Variants in IQGAP2 observed in about 807,000 individuals in gnomAD.
IQGAP2 encodes the protein IQ motif containing GTPase activating protein 2, also known as ras GTPase-activating-like protein IQGAP2.
IQGAP2 carries 173 observed loss-of-function variants against 201.3 expected under a neutral mutation model. That is an observed-to-expected ratio of 0.86 (90% CI 0.76 to 0.98). The LOEUF is 0.98. IQGAP2 is among the 50% of genes least tolerant of loss of function. The pLI is 0.00. For missense variants in IQGAP2, 1,687 were observed against 1,864.8 expected (o/e 0.90, Z 1.76); for synonymous variants, 675 against 673.9 (o/e 1.00, Z -0.03).
intron 17 of IQGAP2, 111 bp downstream of exon 17, chr5:76,641,214 C>A: frequency 2.6e-6 from 2 of 766,348 alleles, no homozygotes; most frequent in Non-Finnish European, 4.1e-6. Context: ...AATCTGACTG[C>A]ATATTTTTAC....
In IQGAP2 at chr5:76,496,567, G is replaced by A. The variant is rs79443023; in HGVS notation, c.146+34898G>A. Among the ~76,000 whole-genome samples, 263 of 152,274 alleles carry A rather than the reference G, an allele frequency of 1.7e-3. 4 individuals are homozygous for A. In the East Asian group the frequency reaches 0.043, roughly 25 times the overall value. The stretch of plus-strand genomic sequence containing the variant: ...CACAGGTTCTGTCTGTACTCAGGGA[G>A]AGGGGCCTACACGAAGGTGTGAACA... On this transcript the variant is annotated intron_variant, in intron 2 of 35. Transcript: ENST00000274364.
At chr5:76,558,133 A>G (rs1028922373) in intron 2 of IQGAP2, among the ~76,000 whole-genome samples, 4 of 152,172 alleles carry the variant, frequency 2.6e-5, no homozygotes, top group African/African-American at 7.2e-5. Flanking sequence ...CCTACTGCAC[A>G]TATATCCTAA....
At chr5:76,429,187 CT>C (rs1752191060) in intron 1 of IQGAP2, among the ~76,000 whole-genome samples, 1 of 151,858 alleles carries the variant, frequency 6.6e-6, no homozygotes, top group Admixed American at 6.6e-5. Context: ...CTTATAGATA[CT>C]TTTTGACCTT....
chr5:76,599,629 C>T (rs990674722), intron 10 of IQGAP2, among the ~76,000 whole-genome samples: 3 of 152,018 alleles, frequency 2.0e-5, no homozygotes, highest in Non-Finnish European at 1.5e-5. Flanking sequence ...ATGGTAACCC[C>T]TTCTTCCCAT....
In IQGAP2 at chr5:76,524,916, A is replaced by G. The variant is rs1293176595; in HGVS notation, c.147-37480A>G. Among the ~76,000 whole-genome samples, 3 of 152,244 alleles carry G rather than the reference A, an allele frequency of 2.0e-5. No individual in the cohort carries two copies. The East Asian group carries it at 5.8e-4, about 29-fold the overall frequency. ...CAAGACAATGACATCCTGCAATTGC[A>G]CTAGAATGTATTACAAATGCATGCC... On this transcript the variant is annotated intron_variant, in intron 2 of 35. Coordinates refer to ENST00000274364, the MANE Select transcript of IQGAP2 (RefSeq NM_006633.5).
chr5:76,655,021 G>A lies in IQGAP2; in HGVS notation c.2320+18G>A, dbSNP rs1252937158. ...AACATTGGGTAAGTGAGAGCTTTCTGAAACAAAGCAAGGATTTTTTATAAA... is the reference window on the plus strand; with the variant it reads ...AACATTGGGTAAGTGAGAGCTTTCTAAAACAAAGCAAGGATTTTTTATAAA... On this transcript the variant is annotated intron_variant, in intron 20 of 35. Transcript: ENST00000274364. 6.3e-7 allele frequency: 1 copy of A among 1,585,004 alleles called. No homozygotes were observed. Among genetic ancestry groups the A allele is most frequent in the South Asian group, 1.1e-5 (1 of 90,424 alleles).
At chr5:76,483,688 T>G (rs1446537831) in intron 2 of IQGAP2, among the ~76,000 whole-genome samples, 1 of 152,202 alleles carries the variant, frequency 6.6e-6, no homozygotes, top group Non-Finnish European at 1.5e-5. Flanking sequence ...TAAAGCTAAT[T>G]TAGGCTCACC....
intron 2 of IQGAP2, among the ~76,000 whole-genome samples, chr5:76,479,210 G>A (rs1022914072): frequency 1.3e-5 from 2 of 152,064 alleles, no homozygotes; most frequent in Admixed American, 6.6e-5. Context: ...TAGCAGTCAG[G>A]GAGCTCCCTG....
chr5:76,685,553 A>G (rs1225752871), intron 30 of IQGAP2, among the ~76,000 whole-genome samples: 1 of 152,174 alleles, frequency 6.6e-6, no homozygotes, highest in African/African-American at 2.4e-5. Flanking sequence ...TGATTCTGCA[A>G]ATTCTAGGAA....
At position 76,529,629 on chromosome 5, in the gene IQGAP2, GAATAATAATAATAATAAT is replaced by G. The variant is rs57526049; in HGVS notation, c.147-32736_147-32719del. On this transcript the variant is annotated intron_variant, in intron 2 of 35. Transcript: ENST00000274364. ...GGTGACAGACCAAGACTCCCTCTCG[GAATAATAATAATAATAAT>G]AATAATAATAATAATAATAATAATA... Among the ~76,000 whole-genome samples the G allele has an allele frequency of 2.7e-3, 370 of 139,062 alleles. 3 individuals carry two copies. The highest frequency in any genetic ancestry group is 8.3e-3 in the African/African-American group (314 of 37,958). 91.2% of individuals were successfully genotyped at this position (139,062 alleles called of 152,430 possible).
chr5:76,501,565 C>T (rs937925752), intron 2 of IQGAP2, among the ~76,000 whole-genome samples: 3 of 151,936 alleles, frequency 2.0e-5, no homozygotes, highest in African/African-American at 7.3e-5. Flanking sequence ...ACCTTCCTCC[C>T]ACCCCATACC....
At chr5:76,495,822 C>T (rs1756861029) in intron 2 of IQGAP2, among the ~76,000 whole-genome samples, 1 of 152,198 alleles carries the variant, frequency 6.6e-6, no homozygotes, top group East Asian at 1.9e-4. Flanking sequence ...TGGGTGAGAA[C>T]TCACTTATCA....
chr5:76,614,716 C>CT, intron 13 of IQGAP2, among the ~76,000 whole-genome samples: 1 of 143,764 alleles, frequency 7.0e-6, no homozygotes, highest in Middle Eastern at 3.7e-3. Context: ...TCTCAAGTAG[C>CT]TGGGATTGTA....
chr5:76,524,008 C>T (rs1287803498), intron 2 of IQGAP2, among the ~76,000 whole-genome samples: 1 of 152,030 alleles, frequency 6.6e-6, no homozygotes, highest in Non-Finnish European at 1.5e-5. Flanking sequence ...TAAACTCAAG[C>T]AGAAACCTGT....
intron 13 of IQGAP2, among the ~76,000 whole-genome samples, chr5:76,622,949 T>C (rs1480077213): frequency 6.6e-6 from 1 of 152,254 alleles, no homozygotes; most frequent in Non-Finnish European, 1.5e-5. Flanking sequence ...CCACACATTT[T>C]TAAACATCAG....
At chr5:76,429,504 G>A (rs1266457831) in intron 1 of IQGAP2, among the ~76,000 whole-genome samples, 5 of 150,034 alleles carry the variant, frequency 3.3e-5, no homozygotes, top group African/African-American at 4.9e-5. Flanking sequence ...CCCGGGAGGC[G>A]GAGCTTGCAG....
At chr5:76,429,596 ATG>A (rs201973399) in intron 1 of IQGAP2, among the ~76,000 whole-genome samples, 159 of 83,262 alleles carry the variant, frequency 1.9e-3, no homozygotes, top group South Asian at 3.4e-3. Context: ...ATATATATAT[ATG>A]TATATTTATA....
At chr5:76,447,113 C>T (rs1023580224) in intron 1 of IQGAP2, among the ~76,000 whole-genome samples, 4 of 152,066 alleles carry the variant, frequency 2.6e-5, no homozygotes, top group South Asian at 2.1e-4. Context: ...GTCGGCCAAC[C>T]TCCCCAACAG....
In IQGAP2 at chr5:76,701,140, C is replaced by A. The variant is rs747874423; in HGVS notation, c.4432C>A (p.Pro1478Thr). Residue 1478 changes from proline (P) to threonine (T), a missense_variant, in exon 34 of 36, where the codon CCA (proline) becomes ACA (threonine). Pro to Thr is a conservative substitution (Grantham distance 38). Coordinates refer to ENST00000274364, the MANE Select transcript of IQGAP2 (RefSeq NM_006633.5). ...GEPKGAKRAK[P>T]VKYTAAKLHE... ...ACCCAAAGGGGCGAAGAGAGCGAAG[C>A]CAGTGAAGTACACTGCAGCAAAGCT... is the stretch of plus-strand genomic sequence containing the variant. 2.5e-6 allele frequency: 4 copies of A among 1,613,936 alleles called. No homozygotes were observed. Among genetic ancestry groups the A allele is most frequent in the Non-Finnish European group, 3.4e-6 (4 of 1,179,754 alleles).
Sources: gnomAD v4.1 joint callset for allele counts (sites outside exome capture counted in the v4.1 genomes callset) on GRCh38, gnomAD v4.1.1 for gene constraint, MANE v1.5 for transcripts, NCBI Gene and HGNC (gene_info 2026-07-23, HGNC 2026-07-21) for gene names.